EML1: variants seen among roughly 807,000 people sequenced by gnomAD.
The protein encoded by EML1 is echinoderm microtubule-associated protein-like 1.
EML1 carries 27 observed loss-of-function variants against 110.4 expected under a neutral mutation model. That is an observed-to-expected ratio of 0.24 (90% CI 0.18 to 0.34). The LOEUF (loss-of-function observed/expected upper bound fraction) is 0.34. Among genes scored for constraint, EML1 ranks in the 10% least tolerant of loss-of-function variants. The pLI is 1.00. For synonymous variants in EML1, 344 were observed against 385.8 expected (o/e 0.89, Z 1.27); for missense variants, 741 against 1,030.9 (o/e 0.72, Z 3.85).
intron 1 of EML1, among the ~76,000 whole-genome samples, chr14:99,757,717 A>G (rs2140182799): frequency 6.6e-6 from 1 of 152,326 alleles, no homozygotes; most frequent in Admixed American, 6.5e-5. Context: ...CTAGTTTGGG[A>G]AAACTTTTAA....
At chr14:99,850,561 G>A (rs2058779022) in intron 1 of EML1, among the ~76,000 whole-genome samples, 1 of 152,106 alleles carries the variant, frequency 6.6e-6, no homozygotes, top group Non-Finnish European at 1.5e-5. Flanking sequence ...AGGTTCTCCG[G>A]TATCGCTGAA....
chr14:99,931,480 C>T (rs149306683), intron 17 of EML1, among the ~76,000 whole-genome samples: 77 of 152,324 alleles, frequency 5.1e-4, no homozygotes, highest in African/African-American at 1.8e-3. Context: ...AGAAAACAGC[C>T]GTAAGGTTGT....
upstream of EML1, among the ~76,000 whole-genome samples, chr14:99,770,065 C>A (rs1255853423): frequency 6.6e-6 from 1 of 152,182 alleles, no homozygotes; most frequent in Non-Finnish European, 1.5e-5. Flanking sequence ...GACACTTAAC[C>A]TTTGTACCAT....
chr14:99,917,561 A>G (rs571113546), intron 15 of EML1, among the ~76,000 whole-genome samples: 10 of 152,288 alleles, frequency 6.6e-5, no homozygotes, highest in Admixed American at 6.5e-5. Flanking sequence ...TCCTGCCTCA[A>G]AAAAGGGTGG....
At chr14:99,783,450 T>C (rs1280649196) in intron 1 of EML1, among the ~76,000 whole-genome samples, 1 of 151,304 alleles carries the variant, frequency 6.6e-6, no homozygotes. Context: ...CAATTTATCA[T>C]CCAAACTAGA....
At chr14:99,921,603 A>C (rs2060131625) in intron 17 of EML1, among the ~76,000 whole-genome samples, 1 of 152,218 alleles carries the variant, frequency 6.6e-6, no homozygotes, top group Non-Finnish European at 1.5e-5. Context: ...AATGATGATC[A>C]GCTCTCAGCC....
chr14:99,763,074 G>A (rs941187400), intron 1 of EML1, among the ~76,000 whole-genome samples: 1 of 152,004 alleles, frequency 6.6e-6, no homozygotes, highest in Non-Finnish European at 1.5e-5. Flanking sequence ...TAAGTATCAC[G>A]AGATCTGACA....
At chr14:99,888,279 T>C (rs1429817674) in intron 4 of EML1, among the ~76,000 whole-genome samples, 1 of 152,234 alleles carries the variant, frequency 6.6e-6, no homozygotes, top group African/African-American at 2.4e-5. Context: ...CGAGCTTCCC[T>C]GTATGAAGCG....
At chr14:99,817,640 T>C (rs2058191441) in intron 1 of EML1, among the ~76,000 whole-genome samples, 1 of 152,206 alleles carries the variant, frequency 6.6e-6, no homozygotes. Flanking sequence ...TGGACCACAC[T>C]TTTAGAACTG....
chr14:99,881,014 G>A (rs138442346), intron 4 of EML1, among the ~76,000 whole-genome samples: 22 of 152,242 alleles, frequency 1.4e-4, no homozygotes, highest in African/African-American at 4.1e-4. Flanking sequence ...GTCACAATCC[G>A]CGTTGCACTT....
chr14:99,852,082 A>G (rs1003071082), intron 2 of EML1, among the ~76,000 whole-genome samples: 4 of 152,252 alleles, frequency 2.6e-5, no homozygotes, highest in African/African-American at 4.8e-5. Flanking sequence ...TGTTGTCATT[A>G]TCTTCTTAGA....
chr14:99,771,176 A>T (rs1369318909), upstream of EML1, among the ~76,000 whole-genome samples: 1 of 151,954 alleles, frequency 6.6e-6, no homozygotes, highest in African/African-American at 2.4e-5. Context: ...CTTTTTATTT[A>T]TTAGAGTATA....
At chr14:99,766,622 A>G (rs1436784089) in intron 1 of EML1, among the ~76,000 whole-genome samples, 1 of 152,212 alleles carries the variant, frequency 6.6e-6, no homozygotes, top group Admixed American at 6.5e-5. Flanking sequence ...GTTAATGTCA[A>G]ATGAACAGCT....
chr14:99,908,304 T>A (rs1806605733), intron 10 of EML1, among the ~76,000 whole-genome samples: 1 of 152,262 alleles, frequency 6.6e-6, no homozygotes. Flanking sequence ...TTTTGCACAA[T>A]ATGTCAAATT....
intron 1 of EML1, among the ~76,000 whole-genome samples, chr14:99,847,121 G>A (rs2058719283): frequency 6.6e-6 from 1 of 152,144 alleles, no homozygotes; most frequent in African/African-American, 2.4e-5. Flanking sequence ...ATTTAGAAAT[G>A]TATTGCTTCA....
intron 1 of EML1, among the ~76,000 whole-genome samples, chr14:99,752,181 C>T (rs187285806): frequency 7.2e-5 from 11 of 152,232 alleles, no homozygotes; most frequent in African/African-American, 2.4e-4. Flanking sequence ...TTCTTTGCCT[C>T]GAGACAGCAC....
rs1013452431 is a variant in EML1, at chr14:99,827,109, G to A, written c.68-23744G>A. On this transcript the variant is annotated intron_variant, in intron 1 of 21. Coordinates refer to ENST00000262233, the MANE Select transcript of EML1 (RefSeq NM_004434.3). The surrounding 1 kb of genome is among the most constrained non-coding windows in gnomAD (Gnocchi z 4.4). ...CGCTGGGGGGTATTTACATGTAGAG[G>A]GGGATGACCACCTGAAGACATGGGG... Among the ~76,000 whole-genome samples the A allele has an allele frequency of 3.9e-5, 6 of 152,184 alleles. No homozygotes were observed. The highest frequency in any genetic ancestry group is 7.3e-5 in the Non-Finnish European group (5 of 68,036).
At chr14:99,914,330 C>T in intron 14 of EML1, 26 bp downstream of exon 14, 3 of 1,596,676 alleles carry the variant, frequency 1.9e-6, no homozygotes, top group Non-Finnish European at 2.6e-6. Context: ...GCAGGCCCGG[C>T]AAACACTCTC....
intron 1 of EML1, among the ~76,000 whole-genome samples, chr14:99,764,835 A>T (rs1435197057): frequency 6.6e-6 from 1 of 152,218 alleles, no homozygotes; most frequent in African/African-American, 2.4e-5. Context: ...GGGACACCCA[A>T]ACCGCTGTCC....
Sources: allele counts gnomAD v4.1 joint callset (sites outside exome capture counted in the v4.1 genomes callset), GRCh38; gene constraint gnomAD v4.1.1; non-coding constraint Gnocchi (gnomAD v3.1); transcripts MANE v1.5; gene names NCBI Gene and HGNC (gene_info 2026-07-23, HGNC 2026-07-21).